GABBR2: variants seen among roughly 807,000 people sequenced by gnomAD.
GABBR2 encodes the protein G-protein coupled receptor 51.
In GABBR2, 23 loss-of-function variants were observed where a neutral mutation model predicts 105.6. The ratio of observed to expected loss-of-function variants is 0.22; its 90% CI spans 0.16 to 0.31. GABBR2 has a LOEUF of 0.31. Among genes scored for constraint, GABBR2 ranks in the 10% least tolerant of loss-of-function variants. The pLI, the probability that GABBR2 is intolerant of heterozygous loss-of-function variation, is 1.00. For missense variants in GABBR2, 734 were observed against 1,245.5 expected, an observed-to-expected ratio of 0.59 and a Z score of 6.18; for synonymous variants, 478 against 499.7, an observed-to-expected ratio of 0.96 and a Z score of 0.58.
At chr9:98,542,087 A>C in intron 2 of GABBR2, 44 bp from the exon 3 acceptor site, 1 of 1,544,084 alleles carries the variant, frequency 6.5e-7, no homozygotes. Flanking sequence ...GATGAGCCTC[A>C]CAGCTGTGAC....
intron 7 of GABBR2, among the ~76,000 whole-genome samples, chr9:98,433,111 C>T (rs575472929): frequency 6.6e-6 from 1 of 152,258 alleles, no homozygotes; most frequent in East Asian, 1.9e-4. Context: ...TCTTCATAAG[C>T]TAGTTGATGG....
At chr9:98,303,135 C>T (rs935617678) in intron 16 of GABBR2, 106 bp downstream of exon 16, 60 of 837,400 alleles carry the variant, frequency 7.2e-5, no homozygotes, top group Middle Eastern at 3.6e-4. Context: ...TGAGACTGCA[C>T]GGTCATGCTG....
rs559022720 is a variant in GABBR2 at position 98,411,437 on chromosome 9, G to T, written c.1237-5296C>A. 1.4e-4 allele frequency among the ~76,000 whole-genome samples: 22 copies of T among 152,302 alleles called. No homozygotes were observed. The South Asian group carries it at 4.6e-3, about 32-fold the overall frequency. ...GTAAGAACAATACAAATTTCTCAGG[G>T]TTGTTTCTGAGAATTAAAGAAGATA... On this transcript the variant is annotated intron_variant, in intron 7 of 18. Transcript: ENST00000259455.
At chr9:98,385,883 G>A in intron 10 of GABBR2, 111 bp from the exon 11 acceptor site, 1 of 823,148 alleles carries the variant, frequency 1.2e-6, no homozygotes. Context: ...GGCTAGAGGG[G>A]AGAGAGAGAA....
At position 98,290,322 on chromosome 9, in the gene GABBR2, G is replaced by T; in HGVS notation, c.*262C>A. The T allele has an allele frequency of 6.4e-6, 1 of 156,578 alleles. No homozygotes were observed. Among genetic ancestry groups the T allele is most frequent in the Non-Finnish European group, 1.2e-5 (1 of 83,024 alleles). The allele number at this position is 156,578 out of a possible 1,614,324, so 9.7% of individuals were successfully genotyped here. ...AAGTTTGATATCCCAGCGCCTCCTTGTTTGCAGATGTTAAGGAAGACGTCC... is the reference window on the plus strand; with the variant it reads ...AAGTTTGATATCCCAGCGCCTCCTTTTTTGCAGATGTTAAGGAAGACGTCC... On this transcript the variant is annotated 3_prime_UTR_variant, in exon 19 of 19. Coordinates refer to ENST00000259455, the MANE Select transcript of GABBR2 (RefSeq NM_005458.8).
intron 6 of GABBR2, among the ~76,000 whole-genome samples, chr9:98,463,729 G>A (rs553898987): frequency 2.0e-4 from 30 of 151,886 alleles, no homozygotes; most frequent in African/African-American, 2.7e-4. Flanking sequence ...TCCCTGCCTC[G>A]GGCTCCGGTG....
intron 17 of GABBR2, among the ~76,000 whole-genome samples, chr9:98,297,600 C>A (rs767970769): frequency 2.7e-5 from 4 of 150,400 alleles, no homozygotes; most frequent in Admixed American, 2.6e-4. Flanking sequence ...GCAACAAGAG[C>A]GAAACCCCGT....
chr9:98,564,962 C>T (rs76056197), intron 2 of GABBR2, among the ~76,000 whole-genome samples: 1 of 152,102 alleles, frequency 6.6e-6, no homozygotes, highest in Non-Finnish European at 1.5e-5. Context: ...ATACAGAGGA[C>T]TGAGCCGGGG....
intron 1 of GABBR2, among the ~76,000 whole-genome samples, chr9:98,580,447 C>G (rs1335022846): frequency 6.6e-6 from 1 of 152,204 alleles, no homozygotes; most frequent in Non-Finnish European, 1.5e-5. Context: ...ATCGTTTTCA[C>G]TGCTGTCTCC....
At chr9:98,533,594 G>A (rs1828111416) in intron 3 of GABBR2, among the ~76,000 whole-genome samples, 1 of 152,192 alleles carries the variant, frequency 6.6e-6, no homozygotes, top group Admixed American at 6.5e-5. Context: ...AGGGGACACA[G>A]GGATCTGCTG....
chr9:98,315,817 C>T (rs575073214), intron 13 of GABBR2, among the ~76,000 whole-genome samples: 5 of 152,366 alleles, frequency 3.3e-5, no homozygotes, highest in East Asian at 1.9e-4. Context: ...GGGCCGGAAA[C>T]GGTGAAGCTG....
chr9:98,532,431 G>T (rs1011478137), intron 3 of GABBR2, among the ~76,000 whole-genome samples: 2 of 152,210 alleles, frequency 1.3e-5, no homozygotes, highest in African/African-American at 2.4e-5. Context: ...GTACCATTAG[G>T]ATTAGAATCT....
intron 7 of GABBR2, among the ~76,000 whole-genome samples, chr9:98,414,696 T>C (rs1214830669): frequency 6.6e-6 from 1 of 152,228 alleles, no homozygotes; most frequent in Non-Finnish European, 1.5e-5. Flanking sequence ...AGACTAGGTT[T>C]TCCAGGCTTC....
At chr9:98,334,876 G>A (rs1163778343) in intron 13 of GABBR2, among the ~76,000 whole-genome samples, 1 of 152,144 alleles carries the variant, frequency 6.6e-6, no homozygotes, top group Non-Finnish European at 1.5e-5. Context: ...CTAAACAAGG[G>A]CAGAAAAGAA....
At chr9:98,597,468 T>A (rs772843773) in intron 1 of GABBR2, among the ~76,000 whole-genome samples, 1 of 152,214 alleles carries the variant, frequency 6.6e-6, no homozygotes, top group African/African-American at 2.4e-5. Flanking sequence ...TGAAGCTGCA[T>A]GTCCACAGCA....
chr9:98,337,160 C>T (rs923351996), intron 13 of GABBR2, among the ~76,000 whole-genome samples: 4 of 152,062 alleles, frequency 2.6e-5, no homozygotes, highest in African/African-American at 9.7e-5. Flanking sequence ...CAAAAATTAG[C>T]CAGGCATGGT....
intron 13 of GABBR2, among the ~76,000 whole-genome samples, chr9:98,327,643 C>T (rs534295722): frequency 4.6e-5 from 7 of 151,888 alleles, no homozygotes; most frequent in African/African-American, 1.4e-4. Context: ...CTGGGGCGGG[C>T]GGATCACTTG....
chr9:98,328,793 A>T (rs1830971051), intron 13 of GABBR2, among the ~76,000 whole-genome samples: 1 of 152,182 alleles, frequency 6.6e-6, no homozygotes, highest in Admixed American at 6.5e-5. Flanking sequence ...CAATAAACAC[A>T]TCAATTCATC....
intron 1 of GABBR2, among the ~76,000 whole-genome samples, chr9:98,601,981 A>C (rs1829344564): frequency 6.6e-6 from 1 of 152,102 alleles, no homozygotes. Flanking sequence ...GAAAGATTTT[A>C]CTTGAACGGC....
Sources: allele counts gnomAD v4.1 joint callset (sites outside exome capture counted in the v4.1 genomes callset), GRCh38; gene constraint gnomAD v4.1.1; transcripts MANE v1.5; gene names NCBI Gene and HGNC (gene_info 2026-07-23, HGNC 2026-07-21).